The following CDKN2B-AS1 variants were observed in gnomAD, a reference collection of about 807,000 sequenced individuals.
CDKN2B-AS1 encodes the protein CDKN2B antisense RNA 1 (non-protein coding).
chr9:22,038,440 C>G (rs1822775288), intron 1 of CDKN2B-AS1, among the ~76,000 whole-genome samples: 1 of 151,920 alleles, frequency 6.6e-6, no homozygotes, highest in Admixed American at 6.6e-5. Context: ...TTTATGAGCT[C>G]AAAGAAACCA....
chr9:22,089,433 A>G (rs1205634455), intron 4 of CDKN2B-AS1, among the ~76,000 whole-genome samples: 1 of 152,068 alleles, frequency 6.6e-6, no homozygotes, highest in African/African-American at 2.4e-5. Context: ...ACAAAAACTT[A>G]CTAAACTTTT....
intron 4 of CDKN2B-AS1, among the ~76,000 whole-genome samples, chr9:22,069,696 T>C (rs942049977): frequency 1.1e-4 from 17 of 152,176 alleles, no homozygotes; most frequent in African/African-American, 3.9e-4. Flanking sequence ...TTCTAGCTCT[T>C]TCGTAATATC....
At chr9:22,087,408 T>G (rs962576937) in intron 4 of CDKN2B-AS1, among the ~76,000 whole-genome samples, 6 of 152,206 alleles carry the variant, frequency 3.9e-5, no homozygotes, top group African/African-American at 1.4e-4. Flanking sequence ...AACCATTGAC[T>G]GAATCTACCC....
intron 4 of CDKN2B-AS1, chr9:22,066,309 G>GCT (rs1366687516): frequency 1.3e-5 from 2 of 151,814 alleles, no homozygotes; most frequent in East Asian, 3.9e-4. Context: ...GAACTCCCAG[G>GCT]CTCAAACCTG....
chr9:22,105,945 C>T (rs1312823214), intron 4 of CDKN2B-AS1, among the ~76,000 whole-genome samples: 2 of 152,318 alleles, frequency 1.3e-5, no homozygotes, highest in Non-Finnish European at 1.5e-5. Context: ...GACTCCAGCT[C>T]TGTCGCCCAG....
chr9:22,082,673 A>T (rs1345819783), intron 4 of CDKN2B-AS1, among the ~76,000 whole-genome samples: 1 of 152,212 alleles, frequency 6.6e-6, no homozygotes, highest in Non-Finnish European at 1.5e-5. Flanking sequence ...GGAGCATATA[A>T]TTATGTATAT....
intron 3 of CDKN2B-AS1, among the ~76,000 whole-genome samples, chr9:22,052,069 A>G (rs62560775): frequency 0.13 from 19,440 of 152,162 alleles, 1,540 homozygotes; most frequent in Admixed American, 0.26. Flanking sequence ...GAAACTCCAC[A>G]TTCTCATTTC....
intron 3 of CDKN2B-AS1, among the ~76,000 whole-genome samples, chr9:22,053,770 T>C (rs1823447753): frequency 6.6e-6 from 1 of 152,322 alleles, no homozygotes; most frequent in African/African-American, 2.4e-5. Flanking sequence ...AATAGCAACA[T>C]ATATTTGTTT....
At chr9:22,110,987 A>G (rs2131367265) in intron 4 of CDKN2B-AS1, among the ~76,000 whole-genome samples, 1 of 152,328 alleles carries the variant, frequency 6.6e-6, no homozygotes, top group South Asian at 2.1e-4. Flanking sequence ...GAGATTCATC[A>G]ATATTGATGT....
intron 3 of CDKN2B-AS1, among the ~76,000 whole-genome samples, chr9:22,053,896 G>A (rs17756311): frequency 0.087 from 13,164 of 151,858 alleles, 581 homozygotes; most frequent in Middle Eastern, 0.14. Context: ...TAGGACATAC[G>A]TAACAGAAAA....
intron 4 of CDKN2B-AS1, among the ~76,000 whole-genome samples, chr9:22,083,889 G>A (rs1449099628): frequency 6.6e-6 from 1 of 152,062 alleles, no homozygotes; most frequent in Non-Finnish European, 1.5e-5. Context: ...GTGTTTGGGT[G>A]GTGATGGCGC....
At chr9:22,036,401 CA>C (rs907403901) in intron 1 of CDKN2B-AS1, among the ~76,000 whole-genome samples, 2 of 151,980 alleles carry the variant, frequency 1.3e-5, no homozygotes, top group Non-Finnish European at 2.9e-5. Flanking sequence ...CTAGGCCCCC[CA>C]AAATTATTTA....
intron 4 of CDKN2B-AS1, among the ~76,000 whole-genome samples, chr9:22,068,052 A>C (rs1824134053): frequency 1.3e-5 from 2 of 152,204 alleles, no homozygotes; most frequent in South Asian, 4.1e-4. Context: ...GAAGCTTCAT[A>C]GTTCAATATC....
At chr9:22,038,579 G>A (rs1371199583) in intron 1 of CDKN2B-AS1, among the ~76,000 whole-genome samples, 2 of 151,870 alleles carry the variant, frequency 1.3e-5, no homozygotes, top group Admixed American at 1.3e-4. Flanking sequence ...TTGAGCTCTT[G>A]CACTATAATA....
intron 3 of CDKN2B-AS1, among the ~76,000 whole-genome samples, chr9:22,054,972 G>A (rs1823495542): frequency 6.6e-6 from 1 of 151,938 alleles, no homozygotes; most frequent in Admixed American, 6.6e-5. Context: ...GGCTGGTCTC[G>A]AACTCCTGAC....
intron 1 of CDKN2B-AS1, among the ~76,000 whole-genome samples, chr9:22,043,573 T>C (rs1822988020): frequency 6.6e-6 from 1 of 152,114 alleles, no homozygotes; most frequent in Admixed American, 6.6e-5. Context: ...AAAATGTGAC[T>C]CTACTTCCCC....
Position 22,067,574 on chromosome 9 carries a change from A to C in CDKN2B-AS1, n.438+11187A>C, listed in dbSNP as rs577047061. ...CACACACGCACGCACACACACACAC[A>C]TGTAGCTACATGTCTAGGAAGGATG... On this transcript the variant is annotated intron_variant and non_coding_transcript_variant, in intron 4 of 4. Transcript: ENST00000650946. Among the ~76,000 whole-genome samples the C allele has an allele frequency of 3.5e-4, 53 of 152,036 alleles. 1 individual carries two copies. The South Asian group carries it at 0.011, about 31-fold the overall frequency.
intron 4 of CDKN2B-AS1, among the ~76,000 whole-genome samples, chr9:22,058,124 G>A (rs1823650074): frequency 1.3e-5 from 2 of 151,986 alleles, no homozygotes; most frequent in Non-Finnish European, 2.9e-5. Context: ...AATCCGAGAG[G>A]CAGAGGCTAC....
At chr9:22,091,120 A>G (rs557163510) in intron 4 of CDKN2B-AS1, among the ~76,000 whole-genome samples, 11 of 152,222 alleles carry the variant, frequency 7.2e-5, no homozygotes, top group Non-Finnish European at 1.6e-4. Flanking sequence ...CAGGTTTGTC[A>G]AAGATCAGAT....
Sources: allele counts gnomAD v4.1 joint callset (sites outside exome capture counted in the v4.1 genomes callset), GRCh38; gene constraint gnomAD v4.1.1; transcripts MANE v1.5; gene names NCBI Gene and HGNC (gene_info 2026-07-23, HGNC 2026-07-21).